Variants in TMC8 observed in about 807,000 individuals in gnomAD.
TMC8 encodes transmembrane channel like 8.
TMC8 carries 71 observed loss-of-function variants against 76.0 expected under a neutral mutation model. That is an observed-to-expected ratio of 0.93 (90% CI 0.77 to 1.14). The LOEUF (loss-of-function observed/expected upper bound fraction) is 1.14, where lower values mean the gene tolerates loss of function less well. TMC8 is among the 50% of genes most tolerant of loss of function. The pLI is 0.00. For missense variants in TMC8, 924 were observed against 947.9 expected (o/e 0.97, Z 0.33); for synonymous variants, 433 against 433.8 (o/e 1.00, Z 0.02).
rs775725820 is a variant in TMC8, at chr17:78,133,551, G to A, written c.668+9G>A. ...TGTGGGACTCTGCGGCGGTGAGAGC[G>A]AGGTCCACACCTTCACCCCTTCCCC... On this transcript the variant is annotated intron_variant, in intron 6 of 15. Coordinates refer to ENST00000318430, the MANE Select transcript of TMC8 (RefSeq NM_152468.5). The A allele has an allele frequency of 5.6e-6, 9 of 1,610,320 alleles. No homozygotes were observed. Among genetic ancestry groups the A allele is most frequent in the South Asian group, 3.3e-5 (3 of 91,088 alleles).
rs773447570 is a variant in TMC8, at chr17:78,137,993, C to A, written c.1350-12C>A. On this transcript the variant is annotated splice_polypyrimidine_tract_variant and intron_variant, in intron 11 of 15. Coordinates refer to ENST00000318430, the MANE Select transcript of TMC8 (RefSeq NM_152468.5). ...TGGAGTGGTGAGTACCTGGACCCTC[C>A]CATCCCTGCAGGCTGCTGGTGGACC... The A allele has an allele frequency of 6.2e-7, 1 of 1,613,700 alleles. No homozygotes were observed. Among genetic ancestry groups the A allele is most frequent in the Non-Finnish European group, 8.5e-7 (1 of 1,180,002 alleles).
In TMC8 at chr17:78,138,252, C is replaced by T. The variant is rs11651650; in HGVS notation, c.1533+64C>T. Reference sequence around the variant, plus strand: ...CTGGGTGGATGCCTTGAGCTGGGCTCGCCTCCTGCTCCTGCTCCTGCCCCC... The same window carrying T: ...CTGGGTGGATGCCTTGAGCTGGGCTTGCCTCCTGCTCCTGCTCCTGCCCCC... On this transcript the variant is annotated intron_variant, in intron 12 of 15. Transcript: ENST00000318430. 0.038 allele frequency: 60,805 copies of T among 1,612,564 alleles called. 1,443 individuals are homozygous for T. Among genetic ancestry groups the T allele is most frequent in the South Asian group, 0.085 (7,722 of 91,046 alleles).
intron 2 of TMC8, 29 bp downstream of exon 2, chr17:78,131,766 C>G: frequency 6.4e-7 from 1 of 1,560,784 alleles, no homozygotes; most frequent in Non-Finnish European, 8.6e-7. Flanking sequence ...CCAGACGGTG[C>G]GTGGGGGGGG....
intron 7 of TMC8, 98 bp from the exon 8 acceptor site, chr17:78,134,296 C>T (rs1380502469): frequency 1.0e-5 from 14 of 1,387,128 alleles, no homozygotes; most frequent in East Asian, 6.9e-5. Context: ...TGTATGTGAG[C>T]GTGAATGGTT....
chr17:78,133,785 G>A (rs1484396756), intron 6 of TMC8, 68 bp from the exon 7 acceptor site: 36 of 1,608,364 alleles, frequency 2.2e-5, no homozygotes, highest in East Asian at 4.5e-5. Context: ...ACCCAGAGCC[G>A]AGCCAAGGCT....
At position 78,131,357 on chromosome 17, in the gene TMC8, G is replaced by A; in HGVS notation, c.-232G>A. On this transcript the variant is annotated 5_prime_UTR_variant, in exon 2 of 16. Coordinates refer to ENST00000318430, the MANE Select transcript of TMC8 (RefSeq NM_152468.5). ...CTGGGCCCGAATTCGACCGCAGCAGGATTCTCTCTCATTTCTGAGCCCCGG... is the reference window on the plus strand; with the variant it reads ...CTGGGCCCGAATTCGACCGCAGCAGAATTCTCTCTCATTTCTGAGCCCCGG... 1.6e-6 allele frequency: 1 copy of A among 620,568 alleles called. No individual in the cohort carries two copies. The highest frequency in any genetic ancestry group is 2.8e-6 in the Non-Finnish European group (1 of 355,612). 38.4% of individuals were successfully genotyped at this position (620,568 alleles called of 1,614,324 possible).
At chr17:78,138,304 C>A in intron 12 of TMC8, 45 bp from the exon 13 acceptor site, 1 of 1,611,050 alleles carries the variant, frequency 6.2e-7, no homozygotes. Flanking sequence ...CCCCTGGGGT[C>A]TGCATAACTC....
At chr17:78,137,614 C>G in intron 10 of TMC8, 103 bp from the exon 11 acceptor site, 1 of 1,198,792 alleles carries the variant, frequency 8.3e-7, no homozygotes, top group Non-Finnish European at 1.2e-6. Context: ...CTATCAGACA[C>G]CAGGCAAGGC....
chr17:78,132,324 C>T (rs1426582766), intron 3 of TMC8, 35 bp from the exon 4 acceptor site: 5 of 1,611,064 alleles, frequency 3.1e-6, no homozygotes, highest in Non-Finnish European at 4.2e-6. Flanking sequence ...GCCCCGGCCC[C>T]GGCCTCCCTG....
intron 5 of TMC8, 151 bp downstream of exon 5, chr17:78,133,021 T>G (rs112580325): frequency 1.1e-6 from 1 of 939,670 alleles, no homozygotes; most frequent in Non-Finnish European, 1.7e-6. Flanking sequence ...GCCTGGCCGG[T>G]GGTGGGGTTA....
chr17:78,132,036 A>G lies in TMC8; in HGVS notation c.298+6A>G, dbSNP rs1420123712. ...GGCGCTCTACGAGATCGGGGGTAGGACCCGCGCGACCCGCACCTCCCCTTG... is the reference window on the plus strand; with the variant it reads ...GGCGCTCTACGAGATCGGGGGTAGGGCCCGCGCGACCCGCACCTCCCCTTG... On this transcript the variant is annotated splice_donor_region_variant and intron_variant, in intron 3 of 15. Coordinates refer to ENST00000318430, the MANE Select transcript of TMC8 (RefSeq NM_152468.5). 3.3e-6 allele frequency: 5 copies of G among 1,534,260 alleles called. No individual in the cohort carries two copies. The highest frequency in any genetic ancestry group is 4.4e-6 in the Non-Finnish European group (5 of 1,146,234).
intron 15 of TMC8, 114 bp downstream of exon 15, chr17:78,139,354 A>T: frequency 8.4e-7 from 1 of 1,190,078 alleles, no homozygotes; most frequent in Non-Finnish European, 1.2e-6. Flanking sequence ...TTCCCACTGG[A>T]GGGCGTGGCC....
In TMC8 at chr17:78,132,840, C is replaced by T; in HGVS notation, c.501C>T (p.His167=). 1 of 1,614,232 alleles carries T rather than the reference C, an allele frequency of 6.2e-7. No homozygotes were observed. Among genetic ancestry groups the T allele is most frequent in the Non-Finnish European group, 8.5e-7 (1 of 1,180,024 alleles). ...CCCCGCCTGGCGTTTTGAGGTTCCA[C>T]AATCAACTTTGGCATGTTTTGACTG... The part of the protein sequence containing the change: ...RQSPPGVLRF[H]NQLWHVLTGR... The change falls in exon 5 of 16, where the codon CAC becomes CAT. Residue 167 remains histidine (H), a synonymous_variant. Transcript: ENST00000318430.
At position 78,132,478 on chromosome 17, in the gene TMC8, C is replaced by T. The variant is rs1354485334; in HGVS notation, c.418C>T (p.Pro140Ser). 2 of 1,611,572 alleles carry T rather than the reference C, an allele frequency of 1.2e-6. No homozygotes were observed. Among genetic ancestry groups the T allele is most frequent in the African/African-American group, 1.3e-5 (1 of 74,918 alleles). ...FVLLPLVWLRPPDPGPTLNLT... is the reference protein window; with the variant it reads ...FVLLPLVWLRSPDPGPTLNLT... The stretch of plus-strand genomic sequence containing the variant: ...GCTGCTGCCCCTGGTCTGGCTCCGC[C>T]CCCCTGACCCAGGCCCCACCCTGAA... Residue 140 changes from proline to serine, a missense_variant, in exon 4 of 16, where the codon CCC becomes TCC. Transcript: ENST00000318430.
intron 6 of TMC8, 145 bp from the exon 7 acceptor site, chr17:78,133,708 C>G: frequency 6.6e-7 from 1 of 1,512,550 alleles, no homozygotes; most frequent in Non-Finnish European, 9.0e-7. Flanking sequence ...AGGAACAGGG[C>G]CACCGCCCCC....
rs1385120788 is a variant in TMC8 at position 78,133,514 on chromosome 17, C to T, written c.640C>T (p.Leu214Phe). 2 of 1,613,446 alleles carry T rather than the reference C, an allele frequency of 1.2e-6. No homozygotes were observed. The highest frequency in any genetic ancestry group is 8.5e-7 in the Non-Finnish European group (1 of 1,180,028). Residue 214 changes from leucine (L) to phenylalanine (F), a missense_variant, in exon 6 of 16, where the codon CTC (leucine) becomes TTC (phenylalanine). Transcript: ENST00000318430. Reference sequence around the variant, plus strand: ...CCTCCTCAGCCCGCTGGCCTGCCTGCTCCTCTGCTTCTGTGGGACTCTGCG... The same window carrying T: ...CCTCCTCAGCCCGCTGGCCTGCCTGTTCCTCTGCTTCTGTGGGACTCTGCG... ...AYLLSPLACL[L>F]LCFCGTLRRM...
intron 14 of TMC8, 96 bp downstream of exon 14, chr17:78,138,828 C>A: frequency 6.4e-7 from 1 of 1,574,264 alleles, no homozygotes; most frequent in Non-Finnish European, 8.6e-7. Flanking sequence ...CAACCAGGAG[C>A]CAGACGCAGA....
chr17:78,137,959 G>A lies in TMC8; in HGVS notation c.1350-46G>A, dbSNP rs202247713. 2,112 of 1,610,682 alleles carry A rather than the reference G, an allele frequency of 1.3e-3. 3 individuals carry two copies. Among genetic ancestry groups the A allele is most frequent in the Non-Finnish European group, 1.5e-3 (1,822 of 1,179,104 alleles). ...TGTGGCCATGACCAATACAGCCCAC[G>A]CATCTGTCTGGAGTGGTGAGTACCT... On this transcript the variant is annotated intron_variant, in intron 11 of 15. Transcript: ENST00000318430.
chr17:78,132,718 G>C (rs2075056760), intron 4 of TMC8, 70 bp from the exon 5 acceptor site: 1 of 1,572,576 alleles, frequency 6.4e-7, no homozygotes. Context: ...GGGGGTTATA[G>C]AGCAGTAGCC....
Sources: gnomAD v4.1 joint callset for allele counts on GRCh38, gnomAD v4.1.1 for gene constraint, MANE v1.5 for transcripts, NCBI Gene and HGNC (gene_info 2026-07-23, HGNC 2026-07-21) for gene names.